The following XIST variants were observed in gnomAD, a reference collection of about 807,000 sequenced individuals.
The protein encoded by XIST is X inactive specific transcript (non-protein coding).
exon 1 of XIST, chrX:73,852,060 C>A (rs762319192): frequency 9.0e-4 from 394 of 438,361 alleles, no homozygotes; most frequent in Middle Eastern, 1.4e-3. Flanking sequence ...GCCAGAAAAA[C>A]AAAAATTAAA....
chrX:73,824,014 T>C (rs775790596), exon 6 of XIST: 5 of 553,257 alleles, frequency 9.0e-6, no homozygotes, highest in African/African-American at 6.7e-5. Flanking sequence ...TGTTGTAGGT[T>C]CAATAATGAT....
At chrX:73,820,864 G>T in exon 6 of XIST, 1 of 558,869 alleles carries the variant, frequency 1.8e-6, no homozygotes, top group Non-Finnish European at 3.2e-6. Context: ...TTAGCTTTTG[G>T]AATAAATTAT....
chrX:73,832,465 T>C (rs905385655), intron 3 of XIST, among the ~76,000 whole-genome samples: 1 of 111,747 alleles, frequency 8.9e-6, no homozygotes, highest in African/African-American at 3.3e-5. Context: ...TTTTAACAAT[T>C]TCAATTGTTT....
chrX:73,842,981 A>C, exon 1 of XIST: 1 of 559,050 alleles, frequency 1.8e-6, no homozygotes. Flanking sequence ...GATTTTACAC[A>C]CTGGCGCAAT....
At chrX:73,825,583 A>T (rs1922231485) in exon 6 of XIST, 5 of 513,561 alleles carry the variant, frequency 9.7e-6, no homozygotes, top group Non-Finnish European at 1.4e-5. Context: ...GTAAGCTATG[A>T]ACAGCAGGCC....
chrX:73,822,209 G>A, exon 6 of XIST: 2 of 558,483 alleles, frequency 3.6e-6, no homozygotes, highest in Non-Finnish European at 6.5e-6. Context: ...TTTTTCATGA[G>A]GGATGGACTA....
exon 1 of XIST, chrX:73,841,403 CTCT>C (rs1209184077): frequency 1.9e-6 from 1 of 534,669 alleles, no homozygotes; most frequent in African/African-American, 2.3e-5. Flanking sequence ...GAGCCAGAGA[CTCT>C]TCTTTACAGC....
exon 1 of XIST, chrX:73,850,030 C>A (rs1018273643): frequency 3.6e-6 from 2 of 558,746 alleles, no homozygotes; most frequent in Non-Finnish European, 6.5e-6. Flanking sequence ...CAGACCACAG[C>A]AATTCAAGTT....
At chrX:73,829,022 A>T (rs1457725426) in intron 5 of XIST, 2 of 511,989 alleles carry the variant, frequency 3.9e-6, no homozygotes, top group Admixed American at 2.4e-5. Flanking sequence ...AGCTGTTATA[A>T]CAGTTCTGAA....
At chrX:73,838,505 T>G (rs1193969065) in intron 1 of XIST, among the ~76,000 whole-genome samples, 1 of 111,100 alleles carries the variant, frequency 9.0e-6, no homozygotes, top group Non-Finnish European at 1.9e-5. Context: ...AAAAAAATAA[T>G]CAAAAGTTAT....
chrX:73,842,326 G>C (rs1603361878), exon 1 of XIST: 1 of 552,683 alleles, frequency 1.8e-6, no homozygotes, highest in Admixed American at 2.3e-5. Context: ...CTTCCTTCCT[G>C]GGGAGACAAT....
chrX:73,842,486 A>T, exon 1 of XIST: 1 of 554,200 alleles, frequency 1.8e-6, no homozygotes, highest in Non-Finnish European at 3.3e-6. Context: ...TGAAACTAGG[A>T]TCATTAATAA....
exon 1 of XIST, chrX:73,849,606 ACGTAC>A (rs1452419579): frequency 3.6e-6 from 2 of 556,119 alleles, no homozygotes; most frequent in African/African-American, 2.3e-5. Context: ...CCTAACTTCA[ACGTAC>A]CGAGTAAGGA....
chrX:73,821,886 AG>A (rs760332484), exon 6 of XIST: 13 of 552,527 alleles, frequency 2.4e-5, no homozygotes, highest in Admixed American at 4.5e-5. Flanking sequence ...GCCCTTCTTG[AG>A]CAGATTTGAT....
chrX:73,846,126 G>A (rs1238993766), exon 1 of XIST: 6 of 552,200 alleles, frequency 1.1e-5, no homozygotes, highest in African/African-American at 2.3e-5. Context: ...GGCAGGGGAG[G>A]CTTCCATGTC....
At chrX:73,852,293 G>C (rs757346197) in exon 1 of XIST, 4 of 541,509 alleles carry the variant, frequency 7.4e-6, no homozygotes, top group Admixed American at 7.3e-5. Flanking sequence ...GGCCCCGATG[G>C]GCGAATAAAA....
At chrX:73,847,704 T>C in exon 1 of XIST, 2 of 546,764 alleles carry the variant, frequency 3.7e-6, no homozygotes, top group Non-Finnish European at 3.3e-6. Context: ...AATTAGGCAA[T>C]TGAAAATATG....
chrX:73,835,385 T>C (rs1922463534), intron 2 of XIST, among the ~76,000 whole-genome samples: 1 of 112,351 alleles, frequency 8.9e-6, no homozygotes, highest in Admixed American at 9.5e-5. Context: ...AGCATTGCTA[T>C]GTGCTATAAT....
chrX:73,850,690 A>G (rs1603362996), exon 1 of XIST: 2 of 239,742 alleles, frequency 8.3e-6, no homozygotes, highest in Non-Finnish European at 1.5e-5. Context: ...AGAGGGGGGT[A>G]GGGGGGTAGG....
Sources: allele counts gnomAD v4.1 joint callset (sites outside exome capture counted in the v4.1 genomes callset), GRCh38; gene constraint gnomAD v4.1.1; transcripts MANE v1.5; gene names NCBI Gene and HGNC (gene_info 2026-07-23, HGNC 2026-07-21).